The following TBXAS1 variants were observed in gnomAD, a reference collection of about 807,000 sequenced individuals.
TBXAS1 encodes the protein thromboxane A synthase 1, also known as thromboxane-A synthase.
In TBXAS1, 48 loss-of-function variants were observed where a neutral mutation model predicts 60.7. The observed-to-expected ratio is 0.79, with a 90% CI of 0.63 to 1.01. The LOEUF (loss-of-function observed/expected upper bound fraction) is 1.01. Ranked by LOEUF, TBXAS1 falls within the 50% of genes least tolerant of loss-of-function variation. The pLI, the probability that TBXAS1 is intolerant of heterozygous loss-of-function variation, is 0.00. For synonymous variants in TBXAS1, 287 were observed against 269.7 expected (o/e 1.06, Z -0.63); for missense variants, 685 against 686.3 (o/e 1.00, Z 0.02).
At chr7:139,870,387 ATAAT>A (rs1801729851) in intron 1 of TBXAS1, among the ~76,000 whole-genome samples, 1 of 152,238 alleles carries the variant, frequency 6.6e-6, no homozygotes, top group Admixed American at 6.5e-5. Context: ...CTTTTAGAAA[ATAAT>A]TCAAAAAAGC....
intron 1 of TBXAS1, among the ~76,000 whole-genome samples, chr7:139,864,942 AG>A (rs1284829570): frequency 6.6e-6 from 1 of 152,176 alleles, no homozygotes; most frequent in Non-Finnish European, 1.5e-5. Flanking sequence ...CCTGGAAAGG[AG>A]GTACTCTAGG....
At chr7:139,922,068 G>T (rs1295800720) in intron 4 of TBXAS1, among the ~76,000 whole-genome samples, 1 of 151,538 alleles carries the variant, frequency 6.6e-6, no homozygotes, top group African/African-American at 2.4e-5. Flanking sequence ...TATTTATCTG[G>T]TGACCATGTC....
intron 4 of TBXAS1, among the ~76,000 whole-genome samples, chr7:139,802,627 A>G (rs1797749626): frequency 6.6e-6 from 1 of 152,168 alleles, no homozygotes; most frequent in South Asian, 2.1e-4. Context: ...TCTGCTGAAA[A>G]TACAAAAATT....
chr7:139,898,170 T>C (rs1167429438), intron 3 of TBXAS1, among the ~76,000 whole-genome samples: 1 of 152,188 alleles, frequency 6.6e-6, no homozygotes, highest in Non-Finnish European at 1.5e-5. Context: ...ACAACTGTGA[T>C]CTGCAGTAGC....
chr7:139,984,520 C>A (rs879388223), intron 9 of TBXAS1, among the ~76,000 whole-genome samples: 30 of 151,866 alleles, frequency 2.0e-4, no homozygotes, highest in Non-Finnish European at 3.4e-4. Context: ...TTTTTCTACC[C>A]TCCTGCCCCT....
rs117486176 is a variant in TBXAS1, at chr7:139,974,664, G to A, written c.1134+12431G>A. ...AAGATTAAACGAGTTAAGAATACAC[G>A]TGCAATGTTTGAACAGCGCCAGCAT... On this transcript the variant is annotated intron_variant, in intron 9 of 12. Coordinates refer to ENST00000448866, the MANE Select transcript of TBXAS1 (RefSeq NM_001061.7). 1.1e-4 allele frequency among the ~76,000 whole-genome samples: 16 copies of A among 152,296 alleles called. No individual in the cohort carries two copies. In the East Asian group the frequency reaches 2.3e-3, roughly 22 times the overall value.
chr7:140,003,605 C>G (rs1437638922), intron 9 of TBXAS1, among the ~76,000 whole-genome samples: 1 of 152,168 alleles, frequency 6.6e-6, no homozygotes, highest in Non-Finnish European at 1.5e-5. Flanking sequence ...ACAAAATTCG[C>G]TTAGCCTATC....
At chr7:139,816,908 A>G (rs1333080599) in intron 4 of TBXAS1, among the ~76,000 whole-genome samples, 1 of 152,124 alleles carries the variant, frequency 6.6e-6, no homozygotes, top group Admixed American at 6.5e-5. Context: ...GGGCAACTCC[A>G]CAGCCCTAGT....
intron 4 of TBXAS1, among the ~76,000 whole-genome samples, chr7:139,802,486 T>C (rs1350845192): frequency 1.3e-5 from 2 of 152,146 alleles, no homozygotes; most frequent in East Asian, 1.9e-4. Context: ...CTGATGGTTT[T>C]ATAAAGGCCA....
intron 1 of TBXAS1, among the ~76,000 whole-genome samples, chr7:139,864,726 T>C (rs1034168539): frequency 2.6e-5 from 4 of 152,200 alleles, no homozygotes; most frequent in African/African-American, 9.7e-5. Context: ...AGGAGCATGA[T>C]AGAAGTGACA....
At chr7:139,886,410 T>C (rs1377972857) in intron 3 of TBXAS1, among the ~76,000 whole-genome samples, 1 of 149,678 alleles carries the variant, frequency 6.7e-6, no homozygotes, top group Admixed American at 6.6e-5. Flanking sequence ...TTTTTTTTTT[T>C]TGGCCTCGGC....
At chr7:139,887,505 A>G (rs970566831) in intron 3 of TBXAS1, among the ~76,000 whole-genome samples, 2 of 152,202 alleles carry the variant, frequency 1.3e-5, no homozygotes, top group African/African-American at 4.8e-5. Flanking sequence ...AAGTACCTCA[A>G]TAAAGTGGAA....
At chr7:139,830,206 T>C (rs761447411) in intron 1 of TBXAS1, among the ~76,000 whole-genome samples, 9 of 152,172 alleles carry the variant, frequency 5.9e-5, no homozygotes, top group Non-Finnish European at 8.8e-5. Flanking sequence ...GTTAAACTTA[T>C]TAGAGTTACC....
At position 140,000,005 on chromosome 7, in the gene TBXAS1, C is replaced by T. The variant is rs568072670; in HGVS notation, c.1135-7086C>T. 2.6e-5 allele frequency among the ~76,000 whole-genome samples: 4 copies of T among 152,216 alleles called. No homozygotes were observed. The South Asian group carries it at 8.3e-4, about 32-fold the overall frequency. ...TCCAGATGACATCTGCACACACACCCAGTGTGTGGCGTATGTGTAGGTGTG... is the reference window on the plus strand; with the variant it reads ...TCCAGATGACATCTGCACACACACCTAGTGTGTGGCGTATGTGTAGGTGTG... On this transcript the variant is annotated intron_variant, in intron 9 of 12. Coordinates refer to ENST00000448866, the MANE Select transcript of TBXAS1 (RefSeq NM_001061.7).
chr7:139,893,202 A>G (rs1213492609), intron 3 of TBXAS1, among the ~76,000 whole-genome samples: 3 of 152,036 alleles, frequency 2.0e-5, no homozygotes, highest in Non-Finnish European at 4.4e-5. Context: ...CTGTCTTTTC[A>G]GGAGTGACAT....
rs780808967 is a variant in TBXAS1, at chr7:139,915,655, C to T, written c.333+4334C>T. Among the ~76,000 whole-genome samples the T allele has an allele frequency of 2.6e-5, 4 of 152,128 alleles. No individual in the cohort carries two copies. The East Asian group carries it at 5.8e-4, about 22-fold the overall frequency. On this transcript the variant is annotated intron_variant, in intron 4 of 12. Transcript: ENST00000448866. ...TTTAGCTCTGAAATTTGACATGAGC[C>T]GTAAGCATCCCATGAGGGATCCATA...
upstream of TBXAS1, chr7:139,829,043 C>T (rs1798534836): frequency 5.1e-6 from 2 of 391,280 alleles, no homozygotes; most frequent in Non-Finnish European, 9.8e-6. Flanking sequence ...GACTTCCTCT[C>T]AGAGTACAAG....
At chr7:139,914,024 C>T (rs1204569300) in intron 4 of TBXAS1, 1 of 150,430 alleles carries the variant, frequency 6.6e-6, no homozygotes, top group Non-Finnish European at 1.5e-5. Flanking sequence ...AGCTTGAGCA[C>T]ATATCTTTTT....
chr7:140,010,716 C>T (rs1040241154), intron 10 of TBXAS1, among the ~76,000 whole-genome samples: 4 of 152,206 alleles, frequency 2.6e-5, no homozygotes, highest in South Asian at 2.1e-4. Context: ...GGGTTCTCCA[C>T]GCCCTGGCCT....
Sources: allele counts gnomAD v4.1 joint callset (sites outside exome capture counted in the v4.1 genomes callset), GRCh38; gene constraint gnomAD v4.1.1; transcripts MANE v1.5; gene names NCBI Gene and HGNC (gene_info 2026-07-23, HGNC 2026-07-21).